The following ADAMTS2 variants were observed in gnomAD, a reference collection of about 807,000 sequenced individuals.
ADAMTS2 encodes the protein ADAM metallopeptidase with thrombospondin type 1 motif 2, also known as A disintegrin and metalloproteinase with thrombospondin motifs 2.
Under a neutral mutation model 123.0 loss-of-function variants are expected in ADAMTS2, and 50 were observed. The observed-to-expected ratio is 0.41, with a 90% CI of 0.32 to 0.51. ADAMTS2 has a LOEUF of 0.51. ADAMTS2 is among the 20% of genes least tolerant of loss of function. The pLI is 0.35. For synonymous variants in ADAMTS2, 678 were observed against 695.4 expected (o/e 0.98, Z 0.39); for missense variants, 1,494 against 1,705.2 (o/e 0.88, Z 2.18).
chr5:179,288,677 C>T (rs552691091), intron 2 of ADAMTS2, among the ~76,000 whole-genome samples: 1 of 152,344 alleles, frequency 6.6e-6, no homozygotes, highest in African/African-American at 2.4e-5. Flanking sequence ...AGAGCCGGAG[C>T]AGCGAGGCCA....
Position 179,260,391 on chromosome 5 carries a change from G to A in ADAMTS2, c.688+12520C>T, listed in dbSNP as rs565086036. Among the ~76,000 whole-genome samples the A allele has an allele frequency of 1.5e-4, 23 of 152,328 alleles. No homozygotes were observed. Among genetic ancestry groups the A allele is most frequent in the African/African-American group, 2.9e-4 (12 of 41,566 alleles). On this transcript the variant is annotated intron_variant, in intron 3 of 21. Coordinates refer to ENST00000251582, the MANE Select transcript of ADAMTS2 (RefSeq NM_014244.5). This position sits in a 1 kb window ranked among gnomAD's most constrained non-coding sequence, Gnocchi z 4.2. ...CTGTAAGCAAAAGATTCTCCCCGAA[G>A]CTAACGTGCTAAGTGACCTGGAGAC...
intron 4 of ADAMTS2, among the ~76,000 whole-genome samples, chr5:179,204,880 C>T (rs1166572568): frequency 1.3e-5 from 2 of 152,242 alleles, no homozygotes; most frequent in Non-Finnish European, 2.9e-5. Flanking sequence ...GTGCCCATGA[C>T]AAGCACACTG....
chr5:179,112,710 C>G lies in ADAMTS2; in HGVS notation c.*1157G>C, dbSNP rs950936337. 6.6e-6 allele frequency: 1 copy of G among 152,258 alleles called. No homozygotes were observed. Among genetic ancestry groups the G allele is most frequent in the Non-Finnish European group, 1.5e-5 (1 of 68,104 alleles). The allele number at this position is 152,258 out of a possible 1,614,324, so 9.4% of individuals were successfully genotyped here. ...GAATCCCAGAACCCTTAGACTTGGC[C>G]GTAGGGAGATTCCAGGCCCTTGAAC... On this transcript the variant is annotated 3_prime_UTR_variant, in exon 22 of 22. Transcript: ENST00000251582.
intron 4 of ADAMTS2, among the ~76,000 whole-genome samples, chr5:179,190,598 C>T (rs1473986837): frequency 1.3e-5 from 2 of 152,164 alleles, no homozygotes; most frequent in East Asian, 3.8e-4. Flanking sequence ...TGTCATACAC[C>T]AGGCCAGACT....
intron 3 of ADAMTS2, among the ~76,000 whole-genome samples, chr5:179,231,439 G>T (rs1109178): frequency 0.29 from 43,990 of 151,998 alleles, 7,305 homozygotes; most frequent in Non-Finnish European, 0.37. Flanking sequence ...AGAAATGAAG[G>T]GACAGAAGGA....
At chr5:179,201,951 A>G (rs1359702362) in intron 4 of ADAMTS2, among the ~76,000 whole-genome samples, 1 of 152,184 alleles carries the variant, frequency 6.6e-6, no homozygotes, top group Non-Finnish European at 1.5e-5. Flanking sequence ...TGGTTGCCTA[A>G]ACCAAAGAGC....
At chr5:179,329,949 A>T (rs960765704) in intron 2 of ADAMTS2, among the ~76,000 whole-genome samples, 1 of 151,372 alleles carries the variant, frequency 6.6e-6, no homozygotes, top group African/African-American at 2.4e-5. Flanking sequence ...ACAAGGTGAA[A>T]CCCCGTCTCT....
chr5:179,188,554 A>G lies in ADAMTS2; in HGVS notation c.892-7399T>C, dbSNP rs944246658. Among the ~76,000 whole-genome samples the G allele has an allele frequency of 1.3e-5, 2 of 152,204 alleles. No individual in the cohort carries two copies. Reference sequence around the variant, plus strand: ...CTCGGCTCCTCAGCAGATGCTTCAGAGGGAATGCTAGAAGAAACGTGACTC... The same window carrying G: ...CTCGGCTCCTCAGCAGATGCTTCAGGGGGAATGCTAGAAGAAACGTGACTC... On this transcript the variant is annotated intron_variant, in intron 4 of 21. Coordinates refer to ENST00000251582, the MANE Select transcript of ADAMTS2 (RefSeq NM_014244.5). The surrounding 1 kb of genome is among the most constrained non-coding windows in gnomAD (Gnocchi z 5.1).
Position 179,113,894 on chromosome 5 carries a change from C to A in ADAMTS2, c.3609G>T (p.Arg1203=), listed in dbSNP as rs745724759. ...QRIQELIDEM[R]KKEMLGKF is the part of the protein sequence containing the mutation. ...AGAACTTTCCGAGCATCTCTTTCTT[C>A]CGCATCTCATCAATGAGCTCTTGGA... The change falls in exon 22 of 22, where the codon CGG becomes CGT. Residue 1203 remains arginine (R), a synonymous_variant. Transcript: ENST00000251582. The A allele has an allele frequency of 6.2e-7, 1 of 1,614,204 alleles. No homozygotes were observed. The highest frequency in any genetic ancestry group is 8.5e-7 in the Non-Finnish European group (1 of 1,180,032).
chr5:179,315,988 G>A (rs1756979283), intron 2 of ADAMTS2, among the ~76,000 whole-genome samples: 1 of 152,208 alleles, frequency 6.6e-6, no homozygotes, highest in African/African-American at 2.4e-5. Flanking sequence ...GCATGGATGG[G>A]TTCCTAGAGG....
intron 4 of ADAMTS2, among the ~76,000 whole-genome samples, chr5:179,194,856 A>G (rs189433323): frequency 4.7e-4 from 72 of 152,306 alleles, no homozygotes; most frequent in Non-Finnish European, 9.3e-4. Flanking sequence ...TTCCAAGGAT[A>G]GAAAGCATAA....
chr5:179,181,471 A>G lies in ADAMTS2; in HGVS notation c.892-316T>C, dbSNP rs1437721249. On this transcript the variant is annotated intron_variant, in intron 4 of 21. Transcript: ENST00000251582. This position sits in a 1 kb window ranked among gnomAD's most constrained non-coding sequence, Gnocchi z 4.1. ...CAGCCCTACGCTTGCTGTAGCCTCC[A>G]GCTGAAACACAACCTTCCCTTCAAC... 6.6e-6 allele frequency among the ~76,000 whole-genome samples: 1 copy of G among 152,144 alleles called. No homozygotes were observed. The highest frequency in any genetic ancestry group is 1.5e-5 in the Non-Finnish European group (1 of 68,036).
At position 179,188,331 on chromosome 5, in the gene ADAMTS2, T is replaced by C. The variant is rs1764221340; in HGVS notation, c.892-7176A>G. 6.6e-6 allele frequency among the ~76,000 whole-genome samples: 1 copy of C among 152,172 alleles called. No homozygotes were observed. Among genetic ancestry groups the C allele is most frequent in the African/African-American group, 2.4e-5 (1 of 41,450 alleles). On this transcript the variant is annotated intron_variant, in intron 4 of 21. Transcript: ENST00000251582. The surrounding 1 kb of genome is among the most constrained non-coding windows in gnomAD (Gnocchi z 5.1). ...CCTGAAATAAGTGAGGAGAAGGCTG[T>C]TCTCTCTGTGCCCCTTCGGAGGCCA... is the stretch of plus-strand genomic sequence containing the variant.
chr5:179,186,753 C>A (rs1355674815), intron 4 of ADAMTS2, among the ~76,000 whole-genome samples: 1 of 151,988 alleles, frequency 6.6e-6, no homozygotes, highest in African/African-American at 2.4e-5. Flanking sequence ...CCTGCACATC[C>A]CCCTCCTCCC....
intron 18 of ADAMTS2, 57 bp downstream of exon 18, chr5:179,125,941 C>A (rs1762847880): frequency 1.2e-6 from 2 of 1,609,358 alleles, no homozygotes; most frequent in African/African-American, 1.3e-5. Flanking sequence ...AGCACGGGAG[C>A]CCCTGGTGGC....
In ADAMTS2 at chr5:179,137,826, G is replaced by A. The variant is rs1763092530; in HGVS notation, c.1894C>T (p.Leu632=). 2 of 1,577,384 alleles carry A rather than the reference G, an allele frequency of 1.3e-6. No homozygotes were observed. The highest frequency in any genetic ancestry group is 1.7e-6 in the Non-Finnish European group (2 of 1,163,228). The change falls in exon 12 of 22, where the codon CTG becomes TTG. Residue 632 remains leucine, a synonymous_variant. Transcript: ENST00000251582. ...TGGGCGTCGCCGTGCTCGAAGTACA[G>A]GTCCCACTGGCGGCACTGCTCCTCG... ...FREEQCRQWD[L]YFEHGDAQHH...
chr5:179,233,143 G>A (rs1160357836), intron 3 of ADAMTS2, among the ~76,000 whole-genome samples: 1 of 152,198 alleles, frequency 6.6e-6, no homozygotes, highest in East Asian at 1.9e-4. Flanking sequence ...ATCAAGAAAA[G>A]TAAATATCAA....
rs964235070 is a variant in ADAMTS2 at position 179,202,959 on chromosome 5, G to A, written c.891+4554C>T. ...CCAGCTACAAGGGAGACTGGGGAGG[G>A]GAGCACAGGGGTGATCGATGAGGCT... On this transcript the variant is annotated intron_variant, in intron 4 of 21. Coordinates refer to ENST00000251582, the MANE Select transcript of ADAMTS2 (RefSeq NM_014244.5). This position sits in a 1 kb window ranked among gnomAD's most constrained non-coding sequence, Gnocchi z 4.0. Among the ~76,000 whole-genome samples, 1 of 152,212 alleles carries A rather than the reference G, an allele frequency of 6.6e-6. No homozygotes were observed. The highest frequency in any genetic ancestry group is 1.5e-5 in the Non-Finnish European group (1 of 68,044).
At position 179,155,043 on chromosome 5, in the gene ADAMTS2, G is replaced by T; in HGVS notation, c.1133-124C>A. The T allele has an allele frequency of 1.2e-6, 1 of 847,350 alleles. No homozygotes were observed. Among genetic ancestry groups the T allele is most frequent in the Non-Finnish European group, 2.0e-6 (1 of 509,340 alleles). 52.5% of individuals were successfully genotyped at this position (847,350 alleles called of 1,614,324 possible). On this transcript the variant is annotated intron_variant, in intron 6 of 21. Coordinates refer to ENST00000251582, the MANE Select transcript of ADAMTS2 (RefSeq NM_014244.5). This position sits in a 1 kb window ranked among gnomAD's most constrained non-coding sequence, Gnocchi z 5.1. ...AATGCCCTCTCTACCACAGGCAACT[G>T]CCCCCGGCTGGCACAGCTCAGAAGA...
Sources: allele counts gnomAD v4.1 joint callset (sites outside exome capture counted in the v4.1 genomes callset), GRCh38; gene constraint gnomAD v4.1.1; non-coding constraint Gnocchi (gnomAD v3.1); transcripts MANE v1.5; gene names NCBI Gene and HGNC (gene_info 2026-07-23, HGNC 2026-07-21).